Variants in ASXL3 observed in about 807,000 individuals in gnomAD.
The protein encoded by ASXL3 is putative Polycomb group protein ASXL3.
Under a neutral mutation model 170.6 loss-of-function variants are expected in ASXL3, and 34 were observed. That is an observed-to-expected ratio of 0.20 (90% CI 0.15 to 0.27). The LOEUF (loss-of-function observed/expected upper bound fraction) is 0.27, where lower values mean the gene tolerates loss of function less well. Ranked by LOEUF, ASXL3 falls within the 10% of genes least tolerant of loss-of-function variation. The probability of loss-of-function intolerance (pLI) is 1.00; values close to 1 mark genes in which losing one functional copy is unlikely to be tolerated. For missense variants in ASXL3, 2,592 were observed against 2,695.3 expected, an observed-to-expected ratio of 0.96 and a Z score of 0.85; for synonymous variants, 1,002 against 989.1, an observed-to-expected ratio of 1.01 and a Z score of -0.24.
intron 8 of ASXL3, among the ~76,000 whole-genome samples, chr18:33,705,409 G>A (rs549422766): frequency 6.6e-6 from 1 of 150,406 alleles, no homozygotes; most frequent in Non-Finnish European, 1.5e-5. Context: ...TATATCAAAC[G>A]TGTGTGACAA....
At chr18:33,625,230 T>C (rs996895530) in intron 2 of ASXL3, among the ~76,000 whole-genome samples, 2 of 152,298 alleles carry the variant, frequency 1.3e-5, no homozygotes, top group African/African-American at 2.4e-5. Flanking sequence ...CATATCTCAC[T>C]CGTTTGCACG....
At chr18:33,737,177 G>A (rs2067562759) in intron 10 of ASXL3, among the ~76,000 whole-genome samples, 2 of 152,074 alleles carry the variant, frequency 1.3e-5, no homozygotes, top group African/African-American at 2.4e-5. Flanking sequence ...ATGTATGAAG[G>A]CAGTATTTTC....
rs1275668912 is a variant in ASXL3, at chr18:33,697,044, T to A, written c.879+13476T>A. Among the ~76,000 whole-genome samples the A allele has an allele frequency of 2.6e-5, 4 of 152,130 alleles. No individual in the cohort carries two copies. The East Asian group carries it at 7.7e-4, about 29-fold the overall frequency. On this transcript the variant is annotated intron_variant, in intron 8 of 11. Transcript: ENST00000269197. ...TGGAAACCATCTCAATATCTATGAC[T>A]GATCTAACACCTACTGACCTCACCC... is the stretch of plus-strand genomic sequence containing the variant.
At chr18:33,729,450 C>CTGTT (rs1330845611) in intron 8 of ASXL3, among the ~76,000 whole-genome samples, 2 of 152,080 alleles carry the variant, frequency 1.3e-5, no homozygotes, top group Non-Finnish European at 2.9e-5. Context: ...GTGGATTCAA[C>CTGTT]TGTTTACCCT....
intron 8 of ASXL3, among the ~76,000 whole-genome samples, chr18:33,684,794 G>A (rs978414077): frequency 6.6e-6 from 1 of 152,052 alleles, no homozygotes; most frequent in Non-Finnish European, 1.5e-5. Flanking sequence ...AAAGTACAAA[G>A]TATATTGTAC....
At chr18:33,682,175 G>A (rs62092391) in intron 7 of ASXL3, among the ~76,000 whole-genome samples, 13,014 of 152,166 alleles carry the variant, frequency 0.086, 634 homozygotes, top group African/African-American at 0.12. Flanking sequence ...GCTCCACATC[G>A]TAGTGCAAAA....
At chr18:33,579,978 T>C (rs779940527) in intron 1 of ASXL3, among the ~76,000 whole-genome samples, 12 of 152,240 alleles carry the variant, frequency 7.9e-5, no homozygotes, top group Admixed American at 2.6e-4. Context: ...GGCCTTGCTC[T>C]GGTATGTATC....
chr18:33,648,557 T>G (rs1233118728), intron 4 of ASXL3, among the ~76,000 whole-genome samples: 1 of 152,090 alleles, frequency 6.6e-6, no homozygotes, highest in Non-Finnish European at 1.5e-5. Flanking sequence ...GGTGGACATG[T>G]TAAATAACTG....
In ASXL3 at chr18:33,721,389, C is replaced by CAT. The variant is rs554260751; in HGVS notation, c.880-10570_880-10569dup. Among the ~76,000 whole-genome samples, 53 of 151,994 alleles carry CAT rather than the reference C, an allele frequency of 3.5e-4. 1 individual carries two copies. The Middle Eastern group carries it at 0.017, about 49-fold the overall frequency. The stretch of plus-strand genomic sequence containing the variant: ...AAAAAGAAAAAATTATATGTACACA[C>CAT]ATATATATATGTATGTATGTATATA... On this transcript the variant is annotated intron_variant, in intron 8 of 11. Coordinates refer to ENST00000269197, the MANE Select transcript of ASXL3 (RefSeq NM_030632.3).
At chr18:33,594,435 A>G (rs1372704122) in intron 1 of ASXL3, among the ~76,000 whole-genome samples, 1 of 152,194 alleles carries the variant, frequency 6.6e-6, no homozygotes, top group Admixed American at 6.5e-5. Flanking sequence ...GGACTAAGGA[A>G]GGCTAGGAAG....
At chr18:33,728,936 T>C (rs1206141927) in intron 8 of ASXL3, among the ~76,000 whole-genome samples, 1 of 152,164 alleles carries the variant, frequency 6.6e-6, no homozygotes, top group Non-Finnish European at 1.5e-5. Context: ...TCCACCATCA[T>C]GGCTTATATT....
Position 33,731,952 on chromosome 18 carries a change from C to A in ASXL3, c.880-16C>A. 6.3e-7 allele frequency: 1 copy of A among 1,592,142 alleles called. No homozygotes were observed. The highest frequency in any genetic ancestry group is 1.1e-5 in the South Asian group (1 of 87,882). On this transcript the variant is annotated splice_polypyrimidine_tract_variant and intron_variant, in intron 8 of 11. Transcript: ENST00000269197. ...ATTCCTGATGGAACCTTGTTTTTGT[C>A]GGCTTATTTTCCTAGATGGGAAGTG...
intron 8 of ASXL3, among the ~76,000 whole-genome samples, chr18:33,728,559 A>G (rs1211248720): frequency 6.6e-6 from 1 of 152,142 alleles, no homozygotes; most frequent in Non-Finnish European, 1.5e-5. Context: ...TGTCTTTACC[A>G]AAACTCCTTA....
chr18:33,715,009 A>G (rs1568344793), intron 8 of ASXL3, among the ~76,000 whole-genome samples: 1 of 152,204 alleles, frequency 6.6e-6, no homozygotes, highest in Non-Finnish European at 1.5e-5. Context: ...ACGAAGGTGT[A>G]GGGTTCTTCT....
chr18:33,640,479 A>G (rs1187089689), intron 2 of ASXL3, among the ~76,000 whole-genome samples: 2 of 152,074 alleles, frequency 1.3e-5, no homozygotes, highest in Non-Finnish European at 2.9e-5. Context: ...TTTAGGAGCC[A>G]TCCTCATTCT....
At position 33,611,959 on chromosome 18, in the gene ASXL3, T is replaced by TA. The variant is rs371150709; in HGVS notation, c.137+4284dup. Among the ~76,000 whole-genome samples, 491 of 152,130 alleles carry TA rather than the reference T, an allele frequency of 3.2e-3. 2 individuals carry two copies. Among genetic ancestry groups the TA allele is most frequent in the African/African-American group, 0.011 (466 of 41,544 alleles). ...GCTTCCAAAGAAATGTGTGCTCTGT[T>TA]ATAGTAACATATCCAGGGGCTGCAA... is the stretch of plus-strand genomic sequence containing the variant. On this transcript the variant is annotated intron_variant, in intron 2 of 11. Coordinates refer to ENST00000269197, the MANE Select transcript of ASXL3 (RefSeq NM_030632.3).
intron 1 of ASXL3, 61 bp downstream of exon 1, chr18:33,578,746 C>T: frequency 9.4e-7 from 1 of 1,061,548 alleles, no homozygotes; most frequent in Non-Finnish European, 1.2e-6. Flanking sequence ...TCGCCCCGCG[C>T]CGGTCCGCGG....
intron 1 of ASXL3, among the ~76,000 whole-genome samples, chr18:33,580,146 A>G (rs1333449968): frequency 1.3e-5 from 2 of 152,172 alleles, no homozygotes. Flanking sequence ...TTCTCCACTT[A>G]TCTGTGATTG....
At chr18:33,697,471 C>T (rs185621954) in intron 8 of ASXL3, among the ~76,000 whole-genome samples, 41 of 152,152 alleles carry the variant, frequency 2.7e-4, no homozygotes, top group African/African-American at 9.4e-4. Context: ...GAATTTGATG[C>T]AGTTGAATTT....
Sources: gnomAD v4.1 joint callset for allele counts (sites outside exome capture counted in the v4.1 genomes callset) on GRCh38, gnomAD v4.1.1 for gene constraint, MANE v1.5 for transcripts, NCBI Gene and HGNC (gene_info 2026-07-23, HGNC 2026-07-21) for gene names.